OSBPL5: variants seen among roughly 807,000 people sequenced by gnomAD.
OSBPL5 encodes oxysterol binding protein like 5.
Under a neutral mutation model 111.2 loss-of-function variants are expected in OSBPL5, and 71 were observed. The observed-to-expected ratio is 0.64, with a 90% CI of 0.53 to 0.78. The LOEUF is 0.78. OSBPL5 is among the 30% of genes least tolerant of loss of function. The pLI, the probability that OSBPL5 is intolerant of heterozygous loss-of-function variation, is 0.00. For synonymous variants in OSBPL5, 549 were observed against 513.9 expected, an observed-to-expected ratio of 1.07 and a Z score of -0.93; for missense variants, 1,210 against 1,189.3, an observed-to-expected ratio of 1.02 and a Z score of -0.26.
chr11:3,120,123 C>T (rs374557445), intron 6 of OSBPL5: 61 of 528,568 alleles, frequency 1.2e-4, no homozygotes, highest in East Asian at 2.3e-4. Context: ...GAGGGCTGGG[C>T]GCTGTTCCTC....
At chr11:3,123,124 T>C (rs893113039) in intron 3 of OSBPL5, among the ~76,000 whole-genome samples, 2 of 152,160 alleles carry the variant, frequency 1.3e-5, no homozygotes, top group African/African-American at 4.8e-5. Context: ...GACCCCAGCA[T>C]GTGGCTGACT....
intron 14 of OSBPL5, among the ~76,000 whole-genome samples, chr11:3,095,324 A>AAAAAG (rs1554894373): frequency 4.7e-5 from 7 of 150,206 alleles, no homozygotes; most frequent in East Asian, 3.9e-4. Flanking sequence ...AAAAAAAAAA[A>AAAAAG]AAAAGAAAAG....
chr11:3,116,358 A>C (rs1387375828), intron 7 of OSBPL5, among the ~76,000 whole-genome samples: 1 of 152,188 alleles, frequency 6.6e-6, no homozygotes, highest in Non-Finnish European at 1.5e-5. Context: ...ACAAGCAATC[A>C]TTGTCTTGTT....
chr11:3,149,599 C>A (rs1846499062), intron 1 of OSBPL5, among the ~76,000 whole-genome samples: 1 of 152,220 alleles, frequency 6.6e-6, no homozygotes, highest in Admixed American at 6.5e-5. Flanking sequence ...CCCGCTGCAG[C>A]CTTGCCCAGG....
chr11:3,135,327 C>G (rs1472560887), intron 1 of OSBPL5, among the ~76,000 whole-genome samples: 2 of 152,220 alleles, frequency 1.3e-5, no homozygotes, highest in Admixed American at 6.5e-5. Flanking sequence ...CTCTGCATCT[C>G]TAGAATGAAT....
At chr11:3,137,607 G>C (rs1469153067) in intron 1 of OSBPL5, among the ~76,000 whole-genome samples, 1 of 152,180 alleles carries the variant, frequency 6.6e-6, no homozygotes, top group South Asian at 2.1e-4. Context: ...GAGCCTAGGA[G>C]ATCGAGATCA....
chr11:3,151,961 C>T (rs1022811823), intron 1 of OSBPL5, among the ~76,000 whole-genome samples: 1 of 152,254 alleles, frequency 6.6e-6, no homozygotes, highest in Non-Finnish European at 1.5e-5. Context: ...CGAGCCAGCT[C>T]GGAAGTGTGC....
intron 7 of OSBPL5, among the ~76,000 whole-genome samples, 177 bp from the exon 8 acceptor site, chr11:3,108,122 T>C (rs892010281): frequency 3.3e-5 from 5 of 151,724 alleles, no homozygotes; most frequent in Non-Finnish European, 7.4e-5. Context: ...TGCCCCCACA[T>C]CCAGCTGCAG....
chr11:3,101,541 G>A (rs1307103579), intron 13 of OSBPL5, 62 bp downstream of exon 13: 1 of 1,472,558 alleles, frequency 6.8e-7, no homozygotes, highest in Admixed American at 1.7e-5. Context: ...CTGGCTCCCG[G>A]AGTCCTCCCG....
chr11:3,134,341 T>C (rs1845894043), intron 1 of OSBPL5, among the ~76,000 whole-genome samples: 2 of 152,188 alleles, frequency 1.3e-5, no homozygotes, highest in South Asian at 4.1e-4. Flanking sequence ...GGGGGTTGCC[T>C]GTGTCCCCAG....
At chr11:3,138,509 G>A (rs559171042) in intron 1 of OSBPL5, among the ~76,000 whole-genome samples, 4 of 152,198 alleles carry the variant, frequency 2.6e-5, no homozygotes, top group African/African-American at 9.7e-5. Context: ...GATTGTGGAC[G>A]CAATCTCAAA....
At chr11:3,158,059 C>T (rs965840455) in intron 1 of OSBPL5, among the ~76,000 whole-genome samples, 10 of 152,222 alleles carry the variant, frequency 6.6e-5, no homozygotes, top group African/African-American at 2.4e-4. Context: ...GACAAACAAC[C>T]AGGCCCTGTC....
At chr11:3,155,382 C>A (rs1047709073) in intron 1 of OSBPL5, among the ~76,000 whole-genome samples, 1 of 152,190 alleles carries the variant, frequency 6.6e-6, no homozygotes, top group African/African-American at 2.4e-5. Context: ...CAGCTGGTGA[C>A]CTGGGGTGAT....
At chr11:3,097,050 G>A (rs1182283836) in intron 14 of OSBPL5, among the ~76,000 whole-genome samples, 1 of 3,124 alleles carries the variant, frequency 3.2e-4, no homozygotes. Context: ...GAAGACAGGA[G>A]AAGGAGAGGA....
At chr11:3,138,393 A>G (rs1159509998) in intron 1 of OSBPL5, among the ~76,000 whole-genome samples, 1 of 152,172 alleles carries the variant, frequency 6.6e-6, no homozygotes, top group Non-Finnish European at 1.5e-5. Context: ...CGATTTTCAG[A>G]TGCTAGCTGC....
At position 3,124,621 on chromosome 11, in the gene OSBPL5, C is replaced by G. The variant is rs573040225; in HGVS notation, c.219+1852G>C. Among the ~76,000 whole-genome samples, 4 of 152,320 alleles carry G rather than the reference C, an allele frequency of 2.6e-5. No homozygotes were observed. The South Asian group carries it at 8.3e-4, about 32-fold the overall frequency. On this transcript the variant is annotated intron_variant, in intron 3 of 21. Coordinates refer to ENST00000263650, the MANE Select transcript of OSBPL5 (RefSeq NM_020896.4). The stretch of plus-strand genomic sequence containing the variant: ...CCCAGAAGCAGGACAGCTCATATCC[C>G]TGCTGGCACAGGTCCTGGTGACACA...
chr11:3,164,924 A>C (rs892643634), intron 1 of OSBPL5, among the ~76,000 whole-genome samples: 1 of 149,916 alleles, frequency 6.7e-6, no homozygotes, highest in Non-Finnish European at 1.5e-5. Flanking sequence ...GCCGCTTCCC[A>C]CTCGCGGGCC....
rs1278501703 is a variant in OSBPL5 at position 3,140,410 on chromosome 11, C to T, written c.-21-11241G>A. Among the ~76,000 whole-genome samples, 1 of 152,144 alleles carries T rather than the reference C, an allele frequency of 6.6e-6. No individual in the cohort carries two copies. The highest frequency in any genetic ancestry group is 1.5e-5 in the Non-Finnish European group (1 of 67,990). On this transcript the variant is annotated intron_variant, in intron 1 of 21. Transcript: ENST00000263650. The surrounding 1 kb of genome is among the most constrained non-coding windows in gnomAD (Gnocchi z 4.5). ...GACACCCTTCCCAGGGCCAAGGCAG[C>T]CCAGGAAAAGCCAGCACAGCGTGTC...
intron 12 of OSBPL5, among the ~76,000 whole-genome samples, 162 bp from the exon 13 acceptor site, chr11:3,101,861 G>A (rs184584968): frequency 5.9e-5 from 9 of 152,236 alleles, no homozygotes; most frequent in Middle Eastern, 3.4e-3. Context: ...CGCTTACGAC[G>A]CCCAGGGCAG....
Sources: gnomAD v4.1 joint callset for allele counts (sites outside exome capture counted in the v4.1 genomes callset) on GRCh38, gnomAD v4.1.1 for gene constraint, Gnocchi (gnomAD v3.1) non-coding constraint, MANE v1.5 for transcripts, NCBI Gene and HGNC (gene_info 2026-07-23, HGNC 2026-07-21) for gene names.